Variants in TBC1D5 observed in about 807,000 individuals in gnomAD.
TBC1D5 encodes the protein TBC1 domain family, member 5.
TBC1D5 carries 75 observed loss-of-function variants against 100.3 expected under a neutral mutation model. The ratio of observed to expected loss-of-function variants is 0.75; its 90% confidence interval spans 0.62 to 0.91. The LOEUF (loss-of-function observed/expected upper bound fraction) is 0.91. Among genes scored for constraint, TBC1D5 ranks in the 40% least tolerant of loss-of-function variants. The pLI is 0.00. For missense variants in TBC1D5, 910 were observed against 942.4 expected (o/e 0.97, Z 0.45); for synonymous variants, 323 against 325.6 (o/e 0.99, Z 0.09).
chr3:17,520,247 C>T (rs572580005), intron 2 of TBC1D5, among the ~76,000 whole-genome samples: 1 of 152,232 alleles, frequency 6.6e-6, no homozygotes, highest in Admixed American at 6.5e-5. Context: ...CAAACAACAA[C>T]CTGATCTAAC....
chr3:17,663,369 C>T (rs1361763602), intron 1 of TBC1D5, among the ~76,000 whole-genome samples: 1 of 151,232 alleles, frequency 6.6e-6, no homozygotes, highest in Non-Finnish European at 1.5e-5. Context: ...ATACTGACGA[C>T]ATACTACAAA....
chr3:17,644,411 A>C (rs1354591962), intron 1 of TBC1D5, among the ~76,000 whole-genome samples: 2 of 152,162 alleles, frequency 1.3e-5, no homozygotes, highest in Non-Finnish European at 2.9e-5. Flanking sequence ...ATTTATTCCC[A>C]AGTATATTTC....
chr3:17,449,360 G>T (rs2094872203), intron 3 of TBC1D5, among the ~76,000 whole-genome samples: 1 of 152,154 alleles, frequency 6.6e-6, no homozygotes, highest in Non-Finnish European at 1.5e-5. Context: ...TACCCTAGTG[G>T]CACCTGGAAT....
At chr3:17,253,443 T>C (rs2077344871) in intron 16 of TBC1D5, among the ~76,000 whole-genome samples, 2 of 152,258 alleles carry the variant, frequency 1.3e-5, no homozygotes, top group South Asian at 2.1e-4. Context: ...TTGTCTCCTA[T>C]CTAGTCCAGA....
chr3:17,233,687 T>C (rs2075622336), intron 17 of TBC1D5: 2 of 1,520,944 alleles, frequency 1.3e-6, no homozygotes. Flanking sequence ...AACTGTACCT[T>C]GGAGGTCAGT....
At chr3:17,500,973 T>G (rs1054527561) in intron 3 of TBC1D5, among the ~76,000 whole-genome samples, 2 of 149,630 alleles carry the variant, frequency 1.3e-5, no homozygotes, top group East Asian at 3.9e-4. Flanking sequence ...TGCTCTCGGA[T>G]GTCACTTTGT....
At chr3:17,247,321 TATC>T (rs2076816966) in intron 16 of TBC1D5, among the ~76,000 whole-genome samples, 1 of 152,218 alleles carries the variant, frequency 6.6e-6, no homozygotes, top group Admixed American at 6.5e-5. Context: ...ATAAAGCAAG[TATC>T]ACAATAGTGA....
chr3:17,411,392 G>A (rs951078650), intron 4 of TBC1D5, among the ~76,000 whole-genome samples: 2 of 152,050 alleles, frequency 1.3e-5, no homozygotes, highest in Non-Finnish European at 1.5e-5. Flanking sequence ...AACTGAATCC[G>A]CAATATCTGT....
chr3:17,554,464 C>G (rs1051545009), intron 2 of TBC1D5, among the ~76,000 whole-genome samples: 1 of 152,174 alleles, frequency 6.6e-6, no homozygotes, highest in African/African-American at 2.4e-5. Flanking sequence ...GAAAACACTA[C>G]TGTAGGCAGG....
intron 2 of TBC1D5, among the ~76,000 whole-genome samples, chr3:17,526,508 A>T (rs894140614): frequency 2.0e-5 from 3 of 152,200 alleles, no homozygotes; most frequent in Admixed American, 6.5e-5. Flanking sequence ...ACTACTATTG[A>T]CACTGGTGAT....
At chr3:17,523,645 A>C (rs1289637086) in intron 2 of TBC1D5, among the ~76,000 whole-genome samples, 1 of 152,210 alleles carries the variant, frequency 6.6e-6, no homozygotes, top group Non-Finnish European at 1.5e-5. Context: ...ACTGAGAAAA[A>C]GCAGCTGCAA....
In TBC1D5 at chr3:17,459,364, T is replaced by C. The variant is rs576174461; in HGVS notation, c.98-30845A>G. 2.7e-4 allele frequency among the ~76,000 whole-genome samples: 41 copies of C among 152,272 alleles called. 1 individual carries two copies. The highest frequency in any genetic ancestry group is 9.8e-4 in the Admixed American group (15 of 15,304). Reference sequence around the variant, plus strand: ...ACATCCCTCGCATGCACAGGGTTCATGGTCCTATGACAATCTAAAGTCGCT... The same window carrying C: ...ACATCCCTCGCATGCACAGGGTTCACGGTCCTATGACAATCTAAAGTCGCT... On this transcript the variant is annotated intron_variant, in intron 3 of 21. Transcript: ENST00000253692.
intron 21 of TBC1D5, 53 bp downstream of exon 22, chr3:17,166,714 T>G (rs942140244): frequency 6.4e-7 from 1 of 1,562,162 alleles, no homozygotes; most frequent in African/African-American, 1.4e-5. Flanking sequence ...GAGGAACTTA[T>G]GTGAATGTGC....
intron 2 of TBC1D5, among the ~76,000 whole-genome samples, chr3:17,543,390 T>C (rs183848006): frequency 1.2e-3 from 182 of 152,212 alleles, no homozygotes; most frequent in African/African-American, 4.2e-3. Flanking sequence ...CCCAGCACCG[T>C]GGGAGGCCAA....
chr3:17,466,839 C>A (rs1196574007), intron 3 of TBC1D5, among the ~76,000 whole-genome samples: 1 of 151,386 alleles, frequency 6.6e-6, no homozygotes, highest in Admixed American at 6.6e-5. Context: ...CCATCTTCAA[C>A]AGGAATATTA....
At chr3:17,539,481 T>G (rs1401216799) in intron 2 of TBC1D5, among the ~76,000 whole-genome samples, 2 of 152,226 alleles carry the variant, frequency 1.3e-5, no homozygotes, top group African/African-American at 4.8e-5. Flanking sequence ...GAATATATTT[T>G]GGGGCAAAAT....
At chr3:17,570,755 T>C (rs1284588123) in intron 2 of TBC1D5, among the ~76,000 whole-genome samples, 1 of 152,026 alleles carries the variant, frequency 6.6e-6, no homozygotes, top group African/African-American at 2.4e-5. Flanking sequence ...TACATTTTAT[T>C]GTACTGCAGT....
chr3:17,416,810 A>G lies in TBC1D5; in HGVS notation c.168-10284T>C, dbSNP rs1237158165. ...CTGAAAGTTAGAAAGGCAAATCTTT[A>G]GTGATGACAGGGTCATTTCTATTGG... On this transcript the variant is annotated intron_variant, in intron 4 of 21. Transcript: ENST00000253692. Among the ~76,000 whole-genome samples the G allele has an allele frequency of 3.3e-5, 5 of 152,242 alleles. No homozygotes were observed. In the East Asian group the frequency reaches 9.6e-4, roughly 29 times the overall value.
chr3:17,315,870 G>C (rs1490648139), intron 13 of TBC1D5, among the ~76,000 whole-genome samples: 1 of 152,152 alleles, frequency 6.6e-6, no homozygotes, highest in African/African-American at 2.4e-5. Context: ...GGAGGCTTCA[G>C]GTATGCCCCA....
Sources: allele counts gnomAD v4.1 joint callset (sites outside exome capture counted in the v4.1 genomes callset), GRCh38; gene constraint gnomAD v4.1.1; transcripts MANE v1.5; gene names NCBI Gene and HGNC (gene_info 2026-07-23, HGNC 2026-07-21).